GATB: variants seen among roughly 807,000 people sequenced by gnomAD.
GATB encodes the protein glutamyl-tRNA(Gln) amidotransferase subunit B, mitochondrial.
Under a neutral mutation model 62.3 loss-of-function variants are expected in GATB, and 39 were observed. The observed-to-expected ratio is 0.63, with a 90% confidence interval of 0.48 to 0.82. The LOEUF (loss-of-function observed/expected upper bound fraction) is 0.82, where lower values mean the gene tolerates loss of function less well. Ranked by LOEUF, GATB falls within the 40% of genes least tolerant of loss-of-function variation. GATB has a pLI of 0.00. For missense variants in GATB, 670 were observed against 684.0 expected (o/e 0.98, Z 0.23); for synonymous variants, 276 against 258.9 (o/e 1.07, Z -0.63).
intron 2 of GATB, among the ~76,000 whole-genome samples, chr4:151,753,271 T>C (rs1388755382): frequency 6.6e-6 from 1 of 152,184 alleles, no homozygotes; most frequent in African/African-American, 2.4e-5. Flanking sequence ...CAGATCTCAC[T>C]GCACTGTACT....
chr4:151,714,599 C>T lies in GATB; in HGVS notation c.763+1410G>A, dbSNP rs79065818. On this transcript the variant is annotated intron_variant, in intron 5 of 12. Transcript: ENST00000263985. The stretch of plus-strand genomic sequence containing the variant: ...CTGACTGATGAGTTCTTGCCACTAT[C>T]GTTTATCTCTTGGCAAGGACCCAGA... Among the ~76,000 whole-genome samples, 1,516 of 152,298 alleles carry T rather than the reference C, an allele frequency of 1.0e-2. 22 individuals are homozygous for T. The highest frequency in any genetic ancestry group is 0.035 in the African/African-American group (1,445 of 41,548).
chr4:151,709,540 C>G (rs1738778631), intron 5 of GATB, among the ~76,000 whole-genome samples: 1 of 152,184 alleles, frequency 6.6e-6, no homozygotes, highest in African/African-American at 2.4e-5. Context: ...TCTTCTACTT[C>G]TCTGTTTTCT....
intron 2 of GATB, chr4:151,722,016 A>G: frequency 1.7e-6 from 1 of 579,144 alleles, no homozygotes; most frequent in South Asian, 2.3e-5. Flanking sequence ...CTTCAAGGTC[A>G]GAATTATAAG....
intron 8 of GATB, among the ~76,000 whole-genome samples, chr4:151,702,404 C>T (rs1738624464): frequency 6.6e-6 from 1 of 152,138 alleles, no homozygotes; most frequent in African/African-American, 2.4e-5. Context: ...TGGAACTTCT[C>T]AGTGTGACAC....
chr4:151,687,418 G>C (rs1040791084), intron 10 of GATB, among the ~76,000 whole-genome samples: 1 of 152,214 alleles, frequency 6.6e-6, no homozygotes, highest in African/African-American at 2.4e-5. Context: ...GCCCAAGCAA[G>C]AAATCTGGAA....
intron 10 of GATB, among the ~76,000 whole-genome samples, chr4:151,681,579 C>T (rs1406810419): frequency 6.6e-6 from 1 of 152,158 alleles, no homozygotes; most frequent in Non-Finnish European, 1.5e-5. Context: ...GTGCAGAACC[C>T]ATAAGAAGCA....
chr4:151,736,177 T>C (rs1739369666), intron 2 of GATB, among the ~76,000 whole-genome samples: 1 of 152,208 alleles, frequency 6.6e-6, no homozygotes, highest in Middle Eastern at 3.2e-3. Context: ...TGGGATATTA[T>C]TAAGGCCCTT....
At chr4:151,707,924 T>C (rs1243689869) in intron 6 of GATB, 64 bp downstream of exon 6, 1 of 1,109,098 alleles carries the variant, frequency 9.0e-7, no homozygotes, top group African/African-American at 1.5e-5. Context: ...TTCTGGGTTG[T>C]TTGTTACCCA....
chr4:151,715,923 TAGAC>T (rs765921802), intron 5 of GATB, 82 bp downstream of exon 5: 41 of 1,472,494 alleles, frequency 2.8e-5, no homozygotes, highest in Non-Finnish European at 3.5e-5. Context: ...CTCAATATAA[TAGAC>T]AGAAAATAAA....
At position 151,730,820 on chromosome 4, in the gene GATB, T is replaced by C. The variant is rs138756610; in HGVS notation, c.328-11282A>G. Among the ~76,000 whole-genome samples, 363 of 152,234 alleles carry C rather than the reference T, an allele frequency of 2.4e-3. 1 individual carries two copies. The highest frequency in any genetic ancestry group is 3.6e-3 in the Non-Finnish European group (246 of 68,010). On this transcript the variant is annotated intron_variant, in intron 2 of 12. Coordinates refer to ENST00000263985, the MANE Select transcript of GATB (RefSeq NM_004564.3). This position sits in a 1 kb window ranked among gnomAD's most constrained non-coding sequence, Gnocchi z 4.1. Reference sequence around the variant, plus strand: ...TTCCCTCTGACAGAGCCTACCCAAATGAGAAGGAACGAGAAAACCAACGCT... The same window carrying C: ...TTCCCTCTGACAGAGCCTACCCAAACGAGAAGGAACGAGAAAACCAACGCT...
intron 2 of GATB, among the ~76,000 whole-genome samples, chr4:151,748,479 A>T (rs1739649549): frequency 6.6e-6 from 1 of 152,226 alleles, no homozygotes; most frequent in Non-Finnish European, 1.5e-5. Context: ...CTGAAACTGG[A>T]TCCCTTCTTT....
intron 6 of GATB, 51 bp from the exon 7 acceptor site, chr4:151,705,320 C>A: frequency 8.8e-7 from 1 of 1,139,358 alleles, no homozygotes; most frequent in Non-Finnish European, 1.3e-6. Context: ...ACCTTTCATC[C>A]AGTCAAGCAA....
intron 5 of GATB, among the ~76,000 whole-genome samples, chr4:151,713,447 C>G (rs78521690): frequency 1.3e-5 from 2 of 152,166 alleles, no homozygotes; most frequent in Non-Finnish European, 2.9e-5. Context: ...CAAACTTAAC[C>G]TGCCCAAACT....
intron 2 of GATB, among the ~76,000 whole-genome samples, chr4:151,732,694 A>G (rs538125597): frequency 4.6e-5 from 7 of 151,466 alleles, no homozygotes; most frequent in East Asian, 3.9e-4. Context: ...CCTCTGCGAG[A>G]AACACCCAAG....
At chr4:151,747,072 A>G (rs10028961) in intron 2 of GATB, among the ~76,000 whole-genome samples, 86,865 of 151,960 alleles carry the variant, frequency 0.57, 26,721 homozygotes, top group African/African-American at 0.81. Flanking sequence ...GGTTGTTATG[A>G]GGTTAGAATA....
chr4:151,682,243 A>G lies in GATB; in HGVS notation c.1332-2352T>C, dbSNP rs1578897129. 2.6e-5 allele frequency among the ~76,000 whole-genome samples: 4 copies of G among 152,290 alleles called. No homozygotes were observed. In the South Asian group the frequency reaches 8.3e-4, roughly 32 times the overall value. ...CAGTAGGTCATCATATTTGTGTCAC[A>G]GGCTTCCTCACACCCATAGGGATGT... On this transcript the variant is annotated intron_variant, in intron 10 of 12. Transcript: ENST00000263985.
chr4:151,747,472 G>C (rs1328300086), intron 2 of GATB, among the ~76,000 whole-genome samples: 1 of 152,140 alleles, frequency 6.6e-6, no homozygotes, highest in Non-Finnish European at 1.5e-5. Flanking sequence ...GGCAGTTAGG[G>C]GGCCAAGAAA....
At position 151,701,347 on chromosome 4, in the gene GATB, T is replaced by C. The variant is rs1738598009; in HGVS notation, c.1179A>G (p.Glu393=). The C allele has an allele frequency of 6.4e-7, 1 of 1,564,600 alleles. No individual in the cohort carries two copies. Among genetic ancestry groups the C allele is most frequent in the African/African-American group, 1.4e-5 (1 of 73,172 alleles). ...KLVQQYGMLL[E]HSFTLLNEVG... Reference sequence around the variant, plus strand: ...TACCTACCAGCAAAGTGAAGCTGTGTTCCAGCAGCATCCCATACTGTTGGA... The same window carrying C: ...TACCTACCAGCAAAGTGAAGCTGTGCTCCAGCAGCATCCCATACTGTTGGA... The change falls in exon 9 of 13, where the codon GAA becomes GAG. Residue 393 remains glutamate, a synonymous_variant. Coordinates refer to ENST00000263985, the MANE Select transcript of GATB (RefSeq NM_004564.3).
At position 151,701,471 on chromosome 4, in the gene GATB, G is replaced by A. The variant is rs142000813; in HGVS notation, c.1055C>T (p.Thr352Ile). The change falls in exon 9 of 13, where the codon ACA becomes ATA. Residue 352 changes from threonine (T) to isoleucine (I), a missense_variant. By Grantham distance (89) the Thr-to-Ile change is moderately conservative (BLOSUM62 -1). Coordinates refer to ENST00000263985, the MANE Select transcript of GATB (RefSeq NM_004564.3). ...NLPPLVLYDA[T>I]SLPAGADPQQ... ...TGGGTCTGCACCTGCGGGCAGAGAT[G>A]TGGCGTCGTAGAGCACCAGGGGAGG... 60 of 1,594,806 alleles carry A rather than the reference G, an allele frequency of 3.8e-5. 1 individual carries two copies. The East Asian group carries it at 1.2e-3, about 33-fold the overall frequency.
Sources: allele counts gnomAD v4.1 joint callset (sites outside exome capture counted in the v4.1 genomes callset), GRCh38; gene constraint gnomAD v4.1.1; non-coding constraint Gnocchi (gnomAD v3.1); transcripts MANE v1.5; gene names NCBI Gene and HGNC (gene_info 2026-07-23, HGNC 2026-07-21).